Variants in PSMB5 observed in about 807,000 individuals in gnomAD.
PSMB5 encodes the protein proteasome subunit beta type-5.
A neutral mutation model predicts 22.8 loss-of-function variants in PSMB5; 2 were observed. The ratio of observed to expected loss-of-function variants is 0.09; its 90% CI spans 0.04 to 0.28. PSMB5 has a LOEUF of 0.28. PSMB5 is among the 10% of genes least tolerant of loss of function. The probability of loss-of-function intolerance (pLI) is 1.00; values close to 1 mark genes in which losing one functional copy is unlikely to be tolerated. For missense variants in PSMB5, 269 were observed against 343.8 expected, an observed-to-expected ratio of 0.78 and a Z score of 1.72; for synonymous variants, 133 against 135.3, an observed-to-expected ratio of 0.98 and a Z score of 0.12.
At position 23,027,917 on chromosome 14, in the gene PSMB5, G is replaced by A. The variant is rs983341316; in HGVS notation, c.506-1542C>T. 3.3e-6 allele frequency: 3 copies of A among 917,040 alleles called. No individual in the cohort carries two copies. In the Admixed American group the frequency reaches 6.5e-5, roughly 20 times the overall value. The allele number at this position is 917,040 out of a possible 1,614,324, so 56.8% of individuals were successfully genotyped here. On this transcript the variant is annotated intron_variant, in intron 2 of 2. Coordinates refer to ENST00000361611, the MANE Select transcript of PSMB5 (RefSeq NM_002797.5). ...CCAGCACTTTGGGAGGCCGAGGCAGGTGGGTCACCTGAGGTCAGGAGTTCA... is the reference window on the plus strand; with the variant it reads ...CCAGCACTTTGGGAGGCCGAGGCAGATGGGTCACCTGAGGTCAGGAGTTCA...
At chr14:23,033,920 A>G (rs1468740025) in intron 1 of PSMB5, among the ~76,000 whole-genome samples, 3 of 152,142 alleles carry the variant, frequency 2.0e-5, no homozygotes, top group African/African-American at 7.2e-5. Context: ...CCTGTAACCC[A>G]GGCATTTTGG....
chr14:23,033,253 A>C, intron 2 of PSMB5, 115 bp downstream of exon 2: 1 of 1,085,760 alleles, frequency 9.2e-7, no homozygotes, highest in Non-Finnish European at 1.3e-6. Context: ...GGAAGGGCTA[A>C]GGACCTAATT....
Position 23,033,639 on chromosome 14 carries a change from C to G in PSMB5, c.234G>C (p.Arg78Ser). 6.2e-7 allele frequency: 1 copy of G among 1,611,154 alleles called. No individual in the cohort carries two copies. The highest frequency in any genetic ancestry group is 8.5e-7 in the Non-Finnish European group (1 of 1,177,524). Residue 78 changes from arginine to serine, a missense_variant, in exon 2 of 3, where the codon AGG becomes AGC. This residue lies in a region of PSMB5 where 75 missense variants were observed against 143.2 expected (regional missense o/e 0.52). Transcript: ENST00000361611. Reference protein sequence around the residue: ...RHGVIVAADSRATAGAYIASQ... With the variant: ...RHGVIVAADSSATAGAYIASQ... ...AGGCAATGTAAGCACCCGCTGTAGCCCTGGAGTCAGCTGCAACTATGACTC... is the reference window on the plus strand; with the variant it reads ...AGGCAATGTAAGCACCCGCTGTAGCGCTGGAGTCAGCTGCAACTATGACTC...
upstream of PSMB5, chr14:23,035,067 G>A: frequency 8.2e-7 from 1 of 1,226,920 alleles, no homozygotes; most frequent in Non-Finnish European, 1.1e-6. Context: ...AAGGGGGTCG[G>A]GGAAATAGAT....
intron 2 of PSMB5, among the ~76,000 whole-genome samples, chr14:23,030,830 G>A (rs576214520): frequency 6.6e-6 from 1 of 152,270 alleles, no homozygotes; most frequent in African/African-American, 2.4e-5. Context: ...GGAGGCTGAG[G>A]CAGGAGATCA....
In PSMB5 at chr14:23,033,653, C is replaced by T; in HGVS notation, c.220G>A (p.Ala74Thr). 6.2e-7 allele frequency: 1 copy of T among 1,609,086 alleles called. No individual in the cohort carries two copies. Among genetic ancestry groups the T allele is most frequent in the Middle Eastern group, 1.7e-4 (1 of 6,044 alleles). The change falls in exon 2 of 3, where the codon GCA becomes ACA. Residue 74 changes from alanine (A) to threonine (T), a missense_variant. This residue lies in a region of PSMB5 where 75 missense variants were observed against 143.2 expected (regional missense o/e 0.52). Coordinates refer to ENST00000361611, the MANE Select transcript of PSMB5 (RefSeq NM_002797.5). ...AFKFRHGVIV[A>T]ADSRATAGAY... ...CCCGCTGTAGCCCTGGAGTCAGCTG[C>T]AACTATGACTCCATGGCGGAACTGT...
chr14:23,033,445 G>T lies in PSMB5; in HGVS notation c.428C>A (p.Ala143Asp). ...GCCTTTGTACTGATACACCATGTTG[G>T]CAAGCAGTTTGGAGGCAGCTGCTAC... Reference protein sequence around the residue: ...ISVAAASKLLANMVYQYKGMG... With the variant: ...ISVAAASKLLDNMVYQYKGMG... Residue 143 changes from alanine (A) to aspartate (D), a missense_variant, in exon 2 of 3, where the codon GCC (alanine) becomes GAC (aspartate). Physicochemically the swap from Ala to Asp is moderately radical, Grantham distance 126. Coordinates refer to ENST00000361611, the MANE Select transcript of PSMB5 (RefSeq NM_002797.5). 1 of 1,614,090 alleles carries T rather than the reference G, an allele frequency of 6.2e-7. No homozygotes were observed. The highest frequency in any genetic ancestry group is 8.5e-7 in the Non-Finnish European group (1 of 1,180,020).
At chr14:23,026,607 G>A (rs1210409292) in intron 2 of PSMB5, among the ~76,000 whole-genome samples, 3 of 151,184 alleles carry the variant, frequency 2.0e-5, no homozygotes, top group Non-Finnish European at 1.5e-5. Flanking sequence ...TCGTAACCAC[G>A]CCCAGCTAAT....
chr14:23,034,650 A>G, intron 1 of PSMB5, 34 bp downstream of exon 1: 1 of 1,608,764 alleles, frequency 6.2e-7, no homozygotes. Flanking sequence ...GCGGGCGTTC[A>G]GTACTCAGCC....
In PSMB5 at chr14:23,028,398, C is replaced by T. The variant is rs539848612; in HGVS notation, c.506-2023G>A. Among the ~76,000 whole-genome samples, 4 of 152,264 alleles carry T rather than the reference C, an allele frequency of 2.6e-5. No individual in the cohort carries two copies. In the South Asian group the frequency reaches 8.3e-4, roughly 32 times the overall value. ...TCACATTGTAAAGACCTGCACTGTC[C>T]ATATGGTAGCCACTAGCCACACAGG... On this transcript the variant is annotated intron_variant, in intron 2 of 2. Coordinates refer to ENST00000361611, the MANE Select transcript of PSMB5 (RefSeq NM_002797.5).
chr14:23,028,274 G>C (rs1446089061), intron 2 of PSMB5, among the ~76,000 whole-genome samples: 1 of 152,184 alleles, frequency 6.6e-6, no homozygotes, highest in Non-Finnish European at 1.5e-5. Flanking sequence ...CTGTGTGACA[G>C]AAAAACAAAC....
chr14:23,030,875 A>G (rs1460637284), intron 2 of PSMB5, among the ~76,000 whole-genome samples: 2 of 152,204 alleles, frequency 1.3e-5, no homozygotes, highest in Non-Finnish European at 2.9e-5. Flanking sequence ...CAATGAACTG[A>G]GATCGCGCCA....
At chr14:23,035,053 A>G, upstream of PSMB5, 5 of 1,309,974 alleles carry the variant, frequency 3.8e-6, no homozygotes, top group Non-Finnish European at 5.1e-6. Flanking sequence ...GACCATTTTC[A>G]CTGAAGGGGG....
chr14:23,034,336 G>A (rs1450925339), intron 1 of PSMB5: 9 of 250,536 alleles, frequency 3.6e-5, no homozygotes, highest in Non-Finnish European at 7.1e-5. Context: ...CCAAAACTTT[G>A]GTAAACGTTT....
At chr14:23,031,241 G>A (rs1038798591) in intron 2 of PSMB5, among the ~76,000 whole-genome samples, 2 of 152,146 alleles carry the variant, frequency 1.3e-5, no homozygotes, top group South Asian at 2.1e-4. Flanking sequence ...GAACAAATCC[G>A]CCAGCTAAAG....
intron 2 of PSMB5, among the ~76,000 whole-genome samples, chr14:23,032,951 G>C (rs1415995392): frequency 1.3e-5 from 2 of 149,874 alleles, no homozygotes; most frequent in African/African-American, 2.5e-5. Flanking sequence ...CTGTCGCCCA[G>C]GCTGGAGTGC....
At chr14:23,027,146 G>C (rs921175800) in intron 2 of PSMB5, among the ~76,000 whole-genome samples, 7 of 151,746 alleles carry the variant, frequency 4.6e-5, no homozygotes, top group Non-Finnish European at 7.4e-5. Context: ...ACTTTGGGAG[G>C]CCGAGGCGGG....
At chr14:23,027,300 A>G (rs1282124137) in intron 2 of PSMB5, among the ~76,000 whole-genome samples, 6 of 146,680 alleles carry the variant, frequency 4.1e-5, no homozygotes, top group Non-Finnish European at 7.5e-5. Flanking sequence ...AGAATGGCGT[A>G]AACCCGGGAG....
At chr14:23,032,109 G>A (rs1238373888) in intron 2 of PSMB5, among the ~76,000 whole-genome samples, 1 of 151,982 alleles carries the variant, frequency 6.6e-6, no homozygotes, top group Non-Finnish European at 1.5e-5. Flanking sequence ...AAAAAGAGAG[G>A]AGCCCAAAAG....
Sources: allele counts gnomAD v4.1 joint callset (sites outside exome capture counted in the v4.1 genomes callset), GRCh38; gene constraint gnomAD v4.1.1; regional missense constraint gnomAD v4.1.1; transcripts MANE v1.5; gene names NCBI Gene and HGNC (gene_info 2026-07-23, HGNC 2026-07-21).